Variants in NHSL1 observed in about 807,000 individuals in gnomAD.
NHSL1 encodes NHS-like protein 1.
In NHSL1, 48 loss-of-function variants were observed where a neutral mutation model predicts 95.0. That is an observed-to-expected ratio of 0.51 (90% CI 0.40 to 0.64). The LOEUF (loss-of-function observed/expected upper bound fraction) is 0.64. NHSL1 is among the 30% of genes least tolerant of loss of function. NHSL1 has a pLI of 0.00. For synonymous variants in NHSL1, 783 were observed against 833.9 expected, an observed-to-expected ratio of 0.94 and a Z score of 1.05; for missense variants, 1,971 against 2,077.7, an observed-to-expected ratio of 0.95 and a Z score of 1.00.
intron 1 of NHSL1, among the ~76,000 whole-genome samples, chr6:138,634,449 T>C (rs1161221557): frequency 1.3e-5 from 2 of 151,948 alleles, no homozygotes; most frequent in South Asian, 2.1e-4. Context: ...AGACAAAAAC[T>C]ATAAGAGACA....
At chr6:138,603,667 G>T (rs1054441176) in intron 1 of NHSL1, among the ~76,000 whole-genome samples, 1 of 152,158 alleles carries the variant, frequency 6.6e-6, no homozygotes, top group African/African-American at 2.4e-5. Flanking sequence ...ACTTATTTTA[G>T]TCCAAACTCC....
chr6:138,662,664 T>C (rs940402372), intron 1 of NHSL1, among the ~76,000 whole-genome samples: 1 of 152,206 alleles, frequency 6.6e-6, no homozygotes, highest in Non-Finnish European at 1.5e-5. Context: ...GCTACTCATA[T>C]TTTGGATGCT....
chr6:138,598,906 C>G (rs1784336504), intron 1 of NHSL1, among the ~76,000 whole-genome samples: 1 of 152,156 alleles, frequency 6.6e-6, no homozygotes, highest in Admixed American at 6.5e-5. Context: ...ACATGTATTT[C>G]TCTTTAATTC....
At chr6:138,677,652 G>GC (rs1278572216) in intron 1 of NHSL1, among the ~76,000 whole-genome samples, 1 of 152,132 alleles carries the variant, frequency 6.6e-6, no homozygotes, top group African/African-American at 2.4e-5. Flanking sequence ...TCCAATCACT[G>GC]CCCCAAGCAG....
rs1775010725 is a variant in NHSL1 at position 138,423,009 on chromosome 6, G to T, written c.*1072C>A. The T allele has an allele frequency of 6.7e-6, 1 of 149,748 alleles. No individual in the cohort carries two copies. Among genetic ancestry groups the T allele is most frequent in the East Asian group, 2.0e-4 (1 of 5,024 alleles). 9.3% of individuals were successfully genotyped at this position (149,748 alleles called of 1,614,324 possible). A position where few individuals can be genotyped will look rare whatever the true frequency, so the allele number is the denominator to read the frequency against. ...AAAAATAGCCATAACTTTTTCTTTG[G>T]TGTAACCAAAAGGATATCCAAAAGT... On this transcript the variant is annotated 3_prime_UTR_variant, in exon 8 of 8. Transcript: ENST00000343505.
intron 2 of NHSL1, among the ~76,000 whole-genome samples, chr6:138,487,253 T>C (rs576576059): frequency 1.3e-5 from 2 of 152,260 alleles, no homozygotes; most frequent in South Asian, 2.1e-4. Context: ...ATTCTGTTAG[T>C]AATGGGGAGC....
intron 1 of NHSL1, among the ~76,000 whole-genome samples, chr6:138,691,123 G>C (rs966954593): frequency 6.6e-6 from 1 of 152,152 alleles, no homozygotes; most frequent in African/African-American, 2.4e-5. Context: ...CATCCTACTA[G>C]GACAGTGTAT....
rs138276881 is a variant in NHSL1 at position 138,432,084 on chromosome 6, G to A, written c.2261C>T (p.Pro754Leu). 20 of 1,551,536 alleles carry A rather than the reference G, an allele frequency of 1.3e-5. No individual in the cohort carries two copies. In the South Asian group the frequency reaches 2.3e-4, roughly 18 times the overall value. The change falls in exon 6 of 8, where the codon CCC becomes CTC. Residue 754 changes from proline (P) to leucine (L), a missense_variant. Physicochemically the swap from Pro to Leu is moderately conservative, Grantham distance 98 (BLOSUM62 -3). This residue lies in a region of NHSL1 where 1,602 missense variants were observed against 1,654.5 expected (regional missense o/e 0.97). Coordinates refer to ENST00000343505, the MANE Select transcript of NHSL1 (RefSeq NM_001144060.2). This position sits in a 1 kb window ranked among gnomAD's most constrained non-coding sequence, Gnocchi z 4.4. ...GGCCCCGCACAGGGAGTAGACATTG[G>A]GGGTGGTGGCGGAAGTCATGCTGCT... ...AGSSMTSATTPNVYSLCGATP... is the reference protein window; with the variant it reads ...AGSSMTSATTLNVYSLCGATP...
At chr6:138,646,852 C>T (rs1479365807) in intron 1 of NHSL1, among the ~76,000 whole-genome samples, 2 of 152,154 alleles carry the variant, frequency 1.3e-5, no homozygotes, top group Admixed American at 6.6e-5. Context: ...CACACAGTCC[C>T]AAGGAGGAAA....
At chr6:138,486,878 T>G (rs1271436785) in intron 2 of NHSL1, among the ~76,000 whole-genome samples, 1 of 151,720 alleles carries the variant, frequency 6.6e-6, no homozygotes, top group Non-Finnish European at 1.5e-5. Flanking sequence ...AATGGTGGAG[T>G]GTAAGCTTCC....
At chr6:138,664,371 G>A (rs886984765) in intron 1 of NHSL1, among the ~76,000 whole-genome samples, 1 of 152,174 alleles carries the variant, frequency 6.6e-6, no homozygotes, top group African/African-American at 2.4e-5. Context: ...AGCTTCTAGT[G>A]TGCAAGAAGT....
intron 3 of NHSL1, among the ~76,000 whole-genome samples, chr6:138,455,475 T>C (rs1777527998): frequency 5.5e-5 from 1 of 18,128 alleles, no homozygotes; most frequent in African/African-American, 1.4e-4. Context: ...GAGCCCCGCC[T>C]TCACATGCTC....
chr6:138,428,841 A>G (rs1447134823), intron 7 of NHSL1, among the ~76,000 whole-genome samples: 2 of 152,262 alleles, frequency 1.3e-5, no homozygotes, highest in African/African-American at 4.8e-5. Flanking sequence ...CCTTGGCAGC[A>G]TAAGGACATT....
At chr6:138,467,640 A>G (rs1340056866) in intron 3 of NHSL1, among the ~76,000 whole-genome samples, 20 of 152,198 alleles carry the variant, frequency 1.3e-4, no homozygotes, top group Admixed American at 1.3e-3. Flanking sequence ...AGACAGTGAT[A>G]TTGATGCTGC....
At chr6:138,691,378 A>G (rs1319593395) in intron 1 of NHSL1, among the ~76,000 whole-genome samples, 1 of 152,256 alleles carries the variant, frequency 6.6e-6, no homozygotes, top group Non-Finnish European at 1.5e-5. Context: ...TATTATAGCA[A>G]GCAATCTCAC....
At chr6:138,505,003 G>A (rs1780885372) in intron 1 of NHSL1, among the ~76,000 whole-genome samples, 1 of 152,114 alleles carries the variant, frequency 6.6e-6, no homozygotes, top group Admixed American at 6.5e-5. Context: ...TCTTTAGTAT[G>A]ATCTTAAAGT....
intron 1 of NHSL1, among the ~76,000 whole-genome samples, chr6:138,498,624 C>G (rs1454101369): frequency 2.0e-5 from 3 of 152,190 alleles, no homozygotes; most frequent in African/African-American, 7.2e-5. Flanking sequence ...AATGAAGAAG[C>G]ACCTACATTA....
chr6:138,675,040 G>A (rs554520017), intron 1 of NHSL1, among the ~76,000 whole-genome samples: 1 of 112,900 alleles, frequency 8.9e-6, no homozygotes, highest in Non-Finnish European at 1.7e-5. Context: ...TAGGCCACCA[G>A]TCTCCTAAAA....
chr6:138,679,906 TAATTA>T (rs932542767), intron 1 of NHSL1, among the ~76,000 whole-genome samples: 4 of 152,132 alleles, frequency 2.6e-5, no homozygotes, highest in Non-Finnish European at 5.9e-5. Context: ...TTGATTACTA[TAATTA>T]AATATAGATA....
Sources: gnomAD v4.1 joint callset for allele counts (sites outside exome capture counted in the v4.1 genomes callset) on GRCh38, gnomAD v4.1.1 for gene constraint, gnomAD v4.1.1 regional missense constraint, Gnocchi (gnomAD v3.1) non-coding constraint, MANE v1.5 for transcripts, NCBI Gene and HGNC (gene_info 2026-07-23, HGNC 2026-07-21) for gene names.